CAST: variants seen among roughly 807,000 people sequenced by gnomAD.
CAST encodes MIR583 host.
In CAST, 76 loss-of-function variants were observed where a neutral mutation model predicts 119.6. The observed-to-expected ratio is 0.64, with a 90% confidence interval of 0.53 to 0.77. The LOEUF is 0.77. Among genes scored for constraint, CAST ranks in the 30% least tolerant of loss-of-function variants. The pLI, the probability that CAST is intolerant of heterozygous loss-of-function variation, is 0.00. For missense variants in CAST, 953 were observed against 946.5 expected, an observed-to-expected ratio of 1.01 and a Z score of -0.09; for synonymous variants, 319 against 331.6, an observed-to-expected ratio of 0.96 and a Z score of 0.41.
the CAST span, among the ~76,000 whole-genome samples, chr5:96,412,752 G>GTTTTTTTGT: frequency 1.4e-5 from 1 of 71,832 alleles, no homozygotes; most frequent in African/African-American, 9.0e-5. Flanking sequence ...CAGCTGTGAT[G>GTTTTTTTGT]TTTTTTTTTT....
the CAST span, among the ~76,000 whole-genome samples, chr5:96,243,534 TTAAG>T: frequency 1.3e-5 from 2 of 152,162 alleles, no homozygotes. Context: ...CATATTTACT[TTAAG>T]TACTGCTATA....
the CAST span, among the ~76,000 whole-genome samples, chr5:96,238,335 T>A: frequency 1.9e-3 from 84 of 44,300 alleles, 1 homozygote; most frequent in East Asian, 5.5e-3. Flanking sequence ...CTTCTTCTTC[T>A]TCTTCTTCTT....
intron 24 of CAST, among the ~76,000 whole-genome samples, chr5:96,759,566 A>G (rs1287376346): frequency 1.3e-5 from 2 of 152,128 alleles, no homozygotes; most frequent in African/African-American, 4.8e-5. Context: ...AAGTTTTAAT[A>G]AGGTAGCCAC....
In CAST at chr5:96,748,540, T is replaced by C. The variant is rs145309877; in HGVS notation, c.1355T>C (p.Ile452Thr). 1.2e-4 allele frequency: 185 copies of C among 1,565,996 alleles called. 1 individual carries two copies. Among genetic ancestry groups the C allele is most frequent in the African/African-American group, 8.4e-4 (62 of 74,024 alleles). The stretch of plus-strand genomic sequence containing the variant: ...CAGCCTCGGAGTGAATCAGAACTCA[T>C]TGATGAACTTTCAGAAGATTTTGAC... ...KPKPRSESEL[I>T]DELSEDFDRS... Residue 452 changes from isoleucine (I) to threonine (T), a missense_variant, in exon 19 of 32, where the codon ATT becomes ACT. Coordinates refer to ENST00000675179, the MANE Select transcript of CAST (RefSeq NM_001750.7).
At chr5:96,301,053 C>A in the CAST span, among the ~76,000 whole-genome samples, 2 of 152,052 alleles carry the variant, frequency 1.3e-5, no homozygotes, top group African/African-American at 4.8e-5. Context: ...TGAAGAAAAG[C>A]AGTTTAATTG....
chr5:96,130,119 C>T, the CAST span, among the ~76,000 whole-genome samples: 1 of 146,770 alleles, frequency 6.8e-6, no homozygotes, highest in Non-Finnish European at 1.5e-5. Context: ...GGAAGAGTAA[C>T]TTACAATGGA....
chr5:96,218,923 G>A, the CAST span, among the ~76,000 whole-genome samples: 5 of 152,216 alleles, frequency 3.3e-5, no homozygotes, highest in African/African-American at 1.2e-4. Flanking sequence ...TGTACTGTGT[G>A]GGGTGTTTGG....
chr5:96,431,112 C>G, the CAST span, among the ~76,000 whole-genome samples: 9 of 152,150 alleles, frequency 5.9e-5, no homozygotes, highest in African/African-American at 1.7e-4. Context: ...GTGTCCACCC[C>G]CATAGGTCAT....
chr5:96,712,018 T>C (rs1018537323), intron 3 of CAST, among the ~76,000 whole-genome samples: 1 of 152,226 alleles, frequency 6.6e-6, no homozygotes, highest in Admixed American at 6.5e-5. Context: ...CCTTATCCTA[T>C]AGGAAATAGG....
chr5:96,297,235 TGG>T, the CAST span, among the ~76,000 whole-genome samples: 2 of 152,140 alleles, frequency 1.3e-5, no homozygotes, highest in Admixed American at 6.5e-5. Context: ...TATGACTGAG[TGG>T]TTGTCCTTTC....
At chr5:96,767,707 TTA>T (rs1491212263) in intron 28 of CAST, among the ~76,000 whole-genome samples, 198 bp from the exon 29 acceptor site, 1 of 152,178 alleles carries the variant, frequency 6.6e-6, no homozygotes, top group Non-Finnish European at 1.5e-5. Context: ...GCAACGTGTA[TTA>T]AAGAGTAGAT....
chr5:96,152,957 G>A, the CAST span, among the ~76,000 whole-genome samples: 20 of 152,270 alleles, frequency 1.3e-4, no homozygotes, highest in South Asian at 3.3e-3. Context: ...GAGGAATTTA[G>A]AAATCTAAGC....
chr5:96,618,422 G>T (rs1222581939), intron 1 of CAST, among the ~76,000 whole-genome samples: 3 of 152,262 alleles, frequency 2.0e-5, no homozygotes, highest in East Asian at 1.9e-4. Flanking sequence ...TGCTTGAGGA[G>T]CCCTTCAGCC....
chr5:96,528,969 T>C (rs1428631224), upstream of CAST, among the ~76,000 whole-genome samples: 1 of 152,254 alleles, frequency 6.6e-6, no homozygotes, highest in Non-Finnish European at 1.5e-5. Flanking sequence ...GCAGGACAAT[T>C]GACATAAACC....
At chr5:95,981,455 T>C in the CAST span, among the ~76,000 whole-genome samples, 1 of 152,226 alleles carries the variant, frequency 6.6e-6, no homozygotes, top group Non-Finnish European at 1.5e-5. Flanking sequence ...AATGTGCATA[T>C]GAATCATCTG....
the CAST span, among the ~76,000 whole-genome samples, chr5:96,162,970 A>G: frequency 6.6e-6 from 1 of 152,174 alleles, no homozygotes; most frequent in Non-Finnish European, 1.5e-5. Context: ...AGAGTTTGCA[A>G]GTTTCAGTTT....
At chr5:96,458,008 C>T in the CAST span, among the ~76,000 whole-genome samples, 2 of 152,150 alleles carry the variant, frequency 1.3e-5, no homozygotes, top group African/African-American at 2.4e-5. Flanking sequence ...ATAAGTCTTG[C>T]TGCTGTCTGA....
At chr5:96,201,964 A>G in the CAST span, among the ~76,000 whole-genome samples, 2 of 151,974 alleles carry the variant, frequency 1.3e-5, no homozygotes, top group African/African-American at 4.8e-5. Flanking sequence ...AAATAAAATA[A>G]AATAAAATAA....
the CAST span, among the ~76,000 whole-genome samples, chr5:96,514,492 TGGA>T: frequency 6.6e-6 from 1 of 152,230 alleles, no homozygotes; most frequent in African/African-American, 2.4e-5. Context: ...TCCAAATATC[TGGA>T]AGGGTATTCT....
Sources: gnomAD v4.1 joint callset for allele counts (sites outside exome capture counted in the v4.1 genomes callset) on GRCh38, gnomAD v4.1.1 for gene constraint, MANE v1.5 for transcripts, NCBI Gene and HGNC (gene_info 2026-07-23, HGNC 2026-07-21) for gene names.